NCKAP5L: variants seen among roughly 807,000 people sequenced by gnomAD.
NCKAP5L encodes NCK associated protein 5 like.
In NCKAP5L, 54 loss-of-function variants were observed where a neutral mutation model predicts 103.2. The observed-to-expected ratio is 0.52, with a 90% CI of 0.42 to 0.66. NCKAP5L has a LOEUF of 0.66. NCKAP5L is among the 30% of genes least tolerant of loss of function. The pLI is 0.00. For synonymous variants in NCKAP5L, 762 were observed against 748.6 expected, an observed-to-expected ratio of 1.02 and a Z score of -0.29; for missense variants, 1,733 against 1,750.6, an observed-to-expected ratio of 0.99 and a Z score of 0.18.
intron 6 of NCKAP5L, among the ~76,000 whole-genome samples, chr12:49,800,933 C>T (rs942297659): frequency 6.6e-6 from 1 of 152,210 alleles, no homozygotes; most frequent in African/African-American, 2.4e-5. Flanking sequence ...CCAGGGTGAA[C>T]CCTGCCACAG....
rs140079532 is a variant in NCKAP5L at position 49,795,693 on chromosome 12, C to G, written c.2167G>C (p.Gly723Arg). ...HRPLEQLEAKGGIRGAVALGT... is the reference protein window; with the variant it reads ...HRPLEQLEAKRGIRGAVALGT... ...AAGGCCACTGCCCCCCGTATCCCCC[C>G]CTTGGCTTCTAGCTGCTCCAGTGGC... Residue 723 changes from glycine to arginine, a missense_variant, in exon 8 of 13, where the codon GGG (glycine) becomes CGG (arginine). Gly to Arg is a moderately radical substitution (Grantham distance 125, BLOSUM62 -2). Coordinates refer to ENST00000335999, the MANE Select transcript of NCKAP5L (RefSeq NM_001037806.4). 3.3e-5 allele frequency: 54 copies of G among 1,612,354 alleles called. No individual in the cohort carries two copies. The East Asian group carries it at 5.6e-4, about 17-fold the overall frequency.
chr12:49,801,988 T>C (rs1469936733), intron 5 of NCKAP5L, 21 bp from the exon 6 acceptor site: 8 of 1,612,846 alleles, frequency 5.0e-6, no homozygotes, highest in Non-Finnish European at 6.8e-6. Context: ...CCCCGGGAAG[T>C]GCAGGAAGAA....
chr12:49,817,176 C>T (rs926276309), intron 1 of NCKAP5L, among the ~76,000 whole-genome samples: 1 of 152,106 alleles, frequency 6.6e-6, no homozygotes, highest in African/African-American at 2.4e-5. Context: ...AAAGATGTCC[C>T]ATGTTCAGGG....
Position 49,795,626 on chromosome 12 carries a change from C to T in NCKAP5L, c.2234G>A (p.Gly745Glu). The T allele has an allele frequency of 6.2e-7, 1 of 1,607,294 alleles. No homozygotes were observed. The highest frequency in any genetic ancestry group is 8.5e-7 in the Non-Finnish European group (1 of 1,176,762). Reference protein sequence around the residue: ...SLKQQEPGLMGDPGARVYSSH... With the variant: ...SLKQQEPGLMEDPGARVYSSH... The stretch of plus-strand genomic sequence containing the variant: ...GGAGTAGACTCGGGCCCCGGGATCC[C>T]CCATAAGTCCAGGTTCCTGCTGCTT... The change falls in exon 8 of 13, where the codon GGG becomes GAG. Residue 745 changes from glycine (G) to glutamate (E), a missense_variant. By Grantham distance (98) the Gly-to-Glu change is moderately conservative. Coordinates refer to ENST00000335999, the MANE Select transcript of NCKAP5L (RefSeq NM_001037806.4).
chr12:49,797,436 G>T lies in NCKAP5L; in HGVS notation c.466-42C>A. 6.9e-7 allele frequency: 1 copy of T among 1,446,028 alleles called. No homozygotes were observed. Among genetic ancestry groups the T allele is most frequent in the Non-Finnish European group, 9.4e-7 (1 of 1,062,516 alleles). 89.6% of individuals were successfully genotyped at this position (1,446,028 alleles called of 1,614,324 possible). ...TGGCATGAGGAGGAGACCACACACA[G>T]CTGGGATCCAGTTCCAGGCCCAGGC... is the stretch of plus-strand genomic sequence containing the variant. On this transcript the variant is annotated intron_variant, in intron 7 of 12. Transcript: ENST00000335999. This position sits in a 1 kb window ranked among gnomAD's most constrained non-coding sequence, Gnocchi z 4.5.
chr12:49,816,495 C>CCAAAAAAA (rs1946298023), intron 1 of NCKAP5L, among the ~76,000 whole-genome samples: 1 of 49,434 alleles, frequency 2.0e-5, no homozygotes, highest in Non-Finnish European at 3.8e-5. Context: ...TCAACCCTCT[C>CCAAAAAAA]AAAAAAAAAA....
At position 49,792,315 on chromosome 12, in the gene NCKAP5L, G is replaced by A. The variant is rs552952117; in HGVS notation, c.3792+131C>T. 33 of 1,529,232 alleles carry A rather than the reference G, an allele frequency of 2.2e-5. No individual in the cohort carries two copies. The highest frequency in any genetic ancestry group is 2.4e-5 in the South Asian group (2 of 83,016). The allele number at this position is 1,529,232 out of a possible 1,614,324, so 94.7% of individuals were successfully genotyped here. A position where few individuals can be genotyped will look rare whatever the true frequency, so the allele number is the denominator to read the frequency against. ...GGGCCGCTCACAGGGCATCCCAGGG[G>A]TCCTCCTCCCAGAGGGTGCAGCACT... On this transcript the variant is annotated intron_variant, in intron 12 of 12. Transcript: ENST00000335999. This position sits in a 1 kb window ranked among gnomAD's most constrained non-coding sequence, Gnocchi z 4.5.
In NCKAP5L at chr12:49,795,988, G is replaced by T. The variant is rs1220755063; in HGVS notation, c.1872C>A (p.Asp624Glu). The T allele has an allele frequency of 6.5e-7, 1 of 1,538,760 alleles. No individual in the cohort carries two copies. The highest frequency in any genetic ancestry group is 2.2e-5 in the East Asian group (1 of 44,452). Residue 624 changes from aspartate to glutamate, a missense_variant, in exon 8 of 13, where the codon GAC (aspartate) becomes GAA (glutamate). Coordinates refer to ENST00000335999, the MANE Select transcript of NCKAP5L (RefSeq NM_001037806.4). ...PYGSPQEKSL[D>E]KAGSESPHPG... ...GATGGGGAGACTCCGAGCCTGCCTT[G>T]TCCAAACTCTTCTCTTGGGGGCTCC...
chr12:49,801,984 G>A lies in NCKAP5L; in HGVS notation c.232-17C>T, dbSNP rs1266544063. On this transcript the variant is annotated splice_polypyrimidine_tract_variant and intron_variant, in intron 5 of 12. Coordinates refer to ENST00000335999, the MANE Select transcript of NCKAP5L (RefSeq NM_001037806.4). ...TCGCAGGTCCTGCCGCCCACCCCGGGAAGTGCAGGAAGAAGAGGTGAGGAT... is the reference window on the plus strand; with the variant it reads ...TCGCAGGTCCTGCCGCCCACCCCGGAAAGTGCAGGAAGAAGAGGTGAGGAT... 1.2e-6 allele frequency: 2 copies of A among 1,612,996 alleles called. No individual in the cohort carries two copies. Among genetic ancestry groups the A allele is most frequent in the South Asian group, 1.1e-5 (1 of 91,064 alleles).
intron 1 of NCKAP5L, among the ~76,000 whole-genome samples, chr12:49,806,958 C>T (rs896418126): frequency 1.3e-5 from 2 of 152,232 alleles, no homozygotes; most frequent in South Asian, 4.1e-4. Flanking sequence ...AGGCACAGTA[C>T]AAAGCTATGG....
At chr12:49,802,108 A>G (rs1592752518) in intron 5 of NCKAP5L, 141 bp from the exon 6 acceptor site, 5 of 944,874 alleles carry the variant, frequency 5.3e-6, no homozygotes, top group South Asian at 1.7e-5. Flanking sequence ...ACCTCCTTCT[A>G]TGAGGAATCT....
intron 1 of NCKAP5L, among the ~76,000 whole-genome samples, chr12:49,816,114 T>C (rs556685262): frequency 6.6e-6 from 1 of 152,300 alleles, no homozygotes; most frequent in Admixed American, 6.5e-5. Context: ...CCAAATGCAA[T>C]GCATTGTGTT....
At position 49,792,522 on chromosome 12, in the gene NCKAP5L, G is replaced by A; in HGVS notation, c.3716C>T (p.Thr1239Ile). 1 of 1,613,788 alleles carries A rather than the reference G, an allele frequency of 6.2e-7. No homozygotes were observed. The change falls in exon 12 of 13, where the codon ACT becomes ATT. Residue 1239 changes from threonine to isoleucine, a missense_variant. Thr to Ile is a moderately conservative substitution (Grantham distance 89, BLOSUM62 -1). Transcript: ENST00000335999. The surrounding 1 kb of genome is among the most constrained non-coding windows in gnomAD (Gnocchi z 4.5). ...GTCCGAGGAGCTGCCGGCTGCCCTA[G>A]TATTGGGGAAGGTCCAGTTCTTGGC... ...QLAKNWTFPN[T>I]RAAGSSSDPL...
intron 1 of NCKAP5L, among the ~76,000 whole-genome samples, chr12:49,814,772 G>A (rs532802888): frequency 2.3e-4 from 35 of 152,230 alleles, no homozygotes; most frequent in Admixed American, 5.2e-4. Flanking sequence ...GATCTTATCC[G>A]TTTTTCTATC....
At position 49,809,387 on chromosome 12, in the gene NCKAP5L, C is replaced by A. The variant is rs1177992301; in HGVS notation, c.-98-3346G>T. 3.3e-5 allele frequency among the ~76,000 whole-genome samples: 5 copies of A among 152,146 alleles called. No homozygotes were observed. In the East Asian group the frequency reaches 5.8e-4, roughly 18 times the overall value. ...GCCTGTCCTCATTCCCTCACCCCGG[C>A]CCTTAGCCAAGGCCTCCTGGCCCCT... On this transcript the variant is annotated intron_variant, in intron 1 of 12. Transcript: ENST00000335999.
chr12:49,795,623 TC>T lies in NCKAP5L; in HGVS notation c.2236del (p.Asp746IlefsTer89). ...LKQQEPGLMG[D>X]PGARVYSSHS... ...AGAGGAGTAGACTCGGGCCCCGGGA[TC>T]CCCCATAAGTCCAGGTTCCTGCTGC... On this transcript the variant is annotated frameshift_variant, in exon 8 of 13. Transcript: ENST00000335999. LOFTEE classifies it high-confidence loss of function. The T allele has an allele frequency of 6.9e-6, 11 of 1,604,734 alleles. No homozygotes were observed. The highest frequency in any genetic ancestry group is 9.4e-6 in the Non-Finnish European group (11 of 1,175,632).
chr12:49,825,194 T>C (rs1201523273), intron 1 of NCKAP5L, among the ~76,000 whole-genome samples: 2 of 152,230 alleles, frequency 1.3e-5, no homozygotes, highest in African/African-American at 4.8e-5. Context: ...TGTTTTGATG[T>C]AGTGGCAGAT....
intron 5 of NCKAP5L, 59 bp from the exon 6 acceptor site, chr12:49,802,026 A>G: frequency 6.3e-7 from 1 of 1,598,762 alleles, no homozygotes; most frequent in Non-Finnish European, 8.5e-7. Flanking sequence ...AGAGTGTCAC[A>G]GTGCTCTTCA....
intron 1 of NCKAP5L, among the ~76,000 whole-genome samples, chr12:49,807,643 T>A (rs1946195374): frequency 6.6e-6 from 1 of 152,062 alleles, no homozygotes; most frequent in South Asian, 2.1e-4. Context: ...GGAAAAAAAA[T>A]GAAAAATATT....
Sources: allele counts gnomAD v4.1 joint callset (sites outside exome capture counted in the v4.1 genomes callset), GRCh38; gene constraint gnomAD v4.1.1; non-coding constraint Gnocchi (gnomAD v3.1); transcripts MANE v1.5; gene names NCBI Gene and HGNC (gene_info 2026-07-23, HGNC 2026-07-21).